FBXL2: variants seen among roughly 807,000 people sequenced by gnomAD.
The protein encoded by FBXL2 is F-box/LRR-repeat protein 2.
In FBXL2, 38 loss-of-function variants were observed where a neutral mutation model predicts 69.2. That is an observed-to-expected ratio of 0.55 (90% CI 0.42 to 0.72). The LOEUF is 0.72. Ranked by LOEUF, FBXL2 falls within the 30% of genes least tolerant of loss-of-function variation. The pLI is 0.00. For synonymous variants in FBXL2, 192 were observed against 201.3 expected, an observed-to-expected ratio of 0.95 and a Z score of 0.39; for missense variants, 354 against 520.3, an observed-to-expected ratio of 0.68 and a Z score of 3.11.
chr3:33,400,132 G>T, intron 12 of FBXL2: 1 of 1,173,758 alleles, frequency 8.5e-7, no homozygotes, highest in Non-Finnish European at 1.2e-6. Flanking sequence ...GTTAATAAAA[G>T]CACAGAAACA....
Position 33,401,197 on chromosome 3 carries a change from G to C in FBXL2, n.1215-2037G>C, listed in dbSNP as rs985885415. Reference sequence around the variant, plus strand: ...CAGCTTAGGGTGTGGACATGATGACGAAATTAAGACACAGAAGACTGTGTC... The same window carrying C: ...CAGCTTAGGGTGTGGACATGATGACCAAATTAAGACACAGAAGACTGTGTC... On this transcript the variant is annotated intron_variant and non_coding_transcript_variant, in intron 12 of 12. Coordinates refer to the FBXL2 transcript ENST00000463736. 2.0e-5 allele frequency among the ~76,000 whole-genome samples: 3 copies of C among 152,120 alleles called. No individual in the cohort carries two copies. The East Asian group carries it at 5.8e-4, about 29-fold the overall frequency.
intron 2 of FBXL2, among the ~76,000 whole-genome samples, chr3:33,325,643 G>A (rs992657786): frequency 5.3e-5 from 8 of 152,082 alleles, no homozygotes; most frequent in African/African-American, 1.7e-4. Context: ...TAGATAAAGT[G>A]GATTAATCAT....
chr3:33,298,260 C>T (rs2035923085), intron 2 of FBXL2, among the ~76,000 whole-genome samples: 1 of 152,146 alleles, frequency 6.6e-6, no homozygotes, highest in Non-Finnish European at 1.5e-5. Flanking sequence ...TCTGGCATCA[C>T]TGAATATACA....
chr3:33,405,335 T>C (rs898302187), downstream of FBXL2, among the ~76,000 whole-genome samples: 2 of 152,162 alleles, frequency 1.3e-5, no homozygotes, highest in Non-Finnish European at 2.9e-5. Context: ...ATAGCAGTGG[T>C]CAAACTGCCA....
chr3:33,396,218 T>TGCA, intron 12 of FBXL2: 1 of 1,595,612 alleles, frequency 6.3e-7, no homozygotes, highest in South Asian at 1.1e-5. Context: ...CTGCTGCCCT[T>TGCA]GCAGCACTGT....
At chr3:33,418,764 C>G in the FBXL2 span, among the ~76,000 whole-genome samples, 1 of 148,240 alleles carries the variant, frequency 6.7e-6, no homozygotes, top group African/African-American at 2.5e-5. Context: ...GAAGCTGAGG[C>G]AGAAGAATCG....
At position 33,384,068 on chromosome 3, in the gene FBXL2, G is replaced by T; in HGVS notation, c.1031G>T (p.Arg344Leu). ...AGTACCTGTGGCCATGAGAGGCTGC[G>T]GGTACTGGAGTTGGACAACTGCCTC... ...SNSTCGHERLRVLELDNCLLI... is the reference protein window; with the variant it reads ...SNSTCGHERLLVLELDNCLLI... The change falls in exon 14 of 15, where the codon CGG (arginine) becomes CTG (leucine). Residue 344 changes from arginine to leucine, a missense_variant. Coordinates refer to ENST00000484457, the MANE Select transcript of FBXL2 (RefSeq NM_012157.5). The T allele has an allele frequency of 1.2e-6, 2 of 1,614,122 alleles. No homozygotes were observed. The highest frequency in any genetic ancestry group is 1.7e-6 in the Non-Finnish European group (2 of 1,180,008).
chr3:33,344,454 T>C (rs888003978), intron 2 of FBXL2, among the ~76,000 whole-genome samples: 4 of 152,112 alleles, frequency 2.6e-5, no homozygotes, highest in Non-Finnish European at 1.5e-5. Context: ...TGATGCTATA[T>C]TGGAACAATA....
rs568112770 is a variant in FBXL2 at position 33,341,112 on chromosome 3, G to A, written c.66-17855G>A. Among the ~76,000 whole-genome samples the A allele has an allele frequency of 2.6e-5, 4 of 152,166 alleles. No homozygotes were observed. In the East Asian group the frequency reaches 7.7e-4, roughly 29 times the overall value. On this transcript the variant is annotated intron_variant, in intron 2 of 14. Transcript: ENST00000484457. ...CTTTCAATGCTTCTTATTACAAAAG[G>A]AGAAGTAACCAAATATTATGTGCCT... is the stretch of plus-strand genomic sequence containing the variant.
At chr3:33,298,518 G>A (rs921967646) in intron 2 of FBXL2, among the ~76,000 whole-genome samples, 3 of 151,574 alleles carry the variant, frequency 2.0e-5, no homozygotes, top group Non-Finnish European at 4.4e-5. Flanking sequence ...CTAAAAATAC[G>A]AAACAATTAG....
intron 2 of FBXL2, among the ~76,000 whole-genome samples, chr3:33,334,645 C>T (rs1422131864): frequency 6.6e-6 from 1 of 152,068 alleles, no homozygotes; most frequent in East Asian, 1.9e-4. Context: ...ATAATGTCCC[C>T]CAAATTCCAA....
At chr3:33,383,170 T>G in intron 13 of FBXL2, 1 of 152,250 alleles carries the variant, frequency 6.6e-6, no homozygotes, top group East Asian at 1.9e-4. Flanking sequence ...TGCAGAGAAG[T>G]ATACTTTTAC....
chr3:33,280,629 C>G (rs1291409039), intron 1 of FBXL2, among the ~76,000 whole-genome samples: 1 of 150,284 alleles, frequency 6.7e-6, no homozygotes, highest in Non-Finnish European at 1.5e-5. Context: ...GGATCGATCC[C>G]TTGAGTCCAG....
rs774933477 is a variant in FBXL2, at chr3:33,375,289, G to A, written c.659G>A (p.Arg220His). 5.1e-5 allele frequency: 82 copies of A among 1,613,274 alleles called. No individual in the cohort carries two copies. Among genetic ancestry groups the A allele is most frequent in the Non-Finnish European group, 5.9e-5 (70 of 1,179,402 alleles). Reference protein sequence around the residue: ...LVSLNLQSCSRITDEGVVQIC... With the variant: ...LVSLNLQSCSHITDEGVVQIC... ...TCTTTCTGTGCTGCTTTTCCTCAGC[G>A]TATCACGGATGAAGGTGTGGTGCAG... Residue 220 changes from arginine to histidine, a missense_variant and splice_region_variant, in exon 10 of 15, where the codon CGT becomes CAT. Physicochemically the swap from Arg to His is conservative, Grantham distance 29 (BLOSUM62 0). Coordinates refer to ENST00000484457, the MANE Select transcript of FBXL2 (RefSeq NM_012157.5).
chr3:33,405,419 C>A (rs940992742), downstream of FBXL2, among the ~76,000 whole-genome samples: 27 of 152,192 alleles, frequency 1.8e-4, no homozygotes, highest in Admixed American at 1.8e-3. Flanking sequence ...ACGCAAATCA[C>A]CACCACGCCA....
At chr3:33,365,954 T>C (rs2041928446) in intron 5 of FBXL2, among the ~76,000 whole-genome samples, 1 of 152,180 alleles carries the variant, frequency 6.6e-6, no homozygotes. Context: ...CCAGTAAGAA[T>C]GTGCAACATA....
At chr3:33,362,080 A>T (rs555484812) in intron 4 of FBXL2, among the ~76,000 whole-genome samples, 1 of 152,334 alleles carries the variant, frequency 6.6e-6, no homozygotes, top group South Asian at 2.1e-4. Flanking sequence ...ACCTACTAAG[A>T]GGAGACTGTA....
intron 12 of FBXL2, among the ~76,000 whole-genome samples, chr3:33,399,067 T>G (rs2044121707): frequency 6.6e-6 from 1 of 152,184 alleles, no homozygotes. Context: ...AAATCAAGCT[T>G]TTCTTCAGGC....
chr3:33,421,639 A>C, the FBXL2 span, among the ~76,000 whole-genome samples: 1 of 152,252 alleles, frequency 6.6e-6, no homozygotes, highest in Admixed American at 6.5e-5. Flanking sequence ...TGACACTAAG[A>C]CATCAATACA....
Sources: gnomAD v4.1 joint callset for allele counts (sites outside exome capture counted in the v4.1 genomes callset) on GRCh38, gnomAD v4.1.1 for gene constraint, MANE v1.5 for transcripts, NCBI Gene and HGNC (gene_info 2026-07-23, HGNC 2026-07-21) for gene names.